TMED5: variants seen among roughly 807,000 people sequenced by gnomAD.
TMED5 encodes the protein transmembrane emp24 domain-containing protein 5.
In TMED5, 27 loss-of-function variants were observed where a neutral mutation model predicts 23.0. The observed-to-expected ratio is 1.17, with a 90% CI of 0.86 to 1.62. The LOEUF (loss-of-function observed/expected upper bound fraction) is 1.62. Among genes scored for constraint, TMED5 ranks in the 40% most tolerant of loss-of-function variants. The pLI is 0.00. For missense variants in TMED5, 248 were observed against 273.7 expected, an observed-to-expected ratio of 0.91 and a Z score of 0.66; for synonymous variants, 97 against 100.8, an observed-to-expected ratio of 0.96 and a Z score of 0.23.
chr1:93,159,415 T>A lies in TMED5; in HGVS notation c.287+714A>T, dbSNP rs1421058156. 2.6e-5 allele frequency among the ~76,000 whole-genome samples: 4 copies of A among 152,108 alleles called. No individual in the cohort carries two copies. In the East Asian group the frequency reaches 7.7e-4, roughly 29 times the overall value. ...CAAATACTAGATACTCCATATTTGC[T>A]CTTCTTCCTACAGACTCACAGTTTA... On this transcript the variant is annotated intron_variant, in intron 2 of 3. Coordinates refer to ENST00000370282, the MANE Select transcript of TMED5 (RefSeq NM_016040.5).
In TMED5 at chr1:93,180,288, G is replaced by A. The variant is rs763427359; in HGVS notation, c.-46C>T. ...GCTGAAAGAGGCGTCAGGTACTGTT[G>A]TCTCCGCTCCGCGTTTCCTCTCTGG... On this transcript the variant is annotated 5_prime_UTR_variant, in exon 1 of 4. Coordinates refer to ENST00000370282, the MANE Select transcript of TMED5 (RefSeq NM_016040.5). 2 of 1,552,668 alleles carry A rather than the reference G, an allele frequency of 1.3e-6. No individual in the cohort carries two copies. The highest frequency in any genetic ancestry group is 1.2e-5 in the South Asian group (1 of 85,384).
chr1:93,174,152 T>G (rs1375210986), intron 1 of TMED5, among the ~76,000 whole-genome samples: 1 of 152,108 alleles, frequency 6.6e-6, no homozygotes, highest in African/African-American at 2.4e-5. Context: ...TTCTTTTTTT[T>G]TAAGAGATGG....
At chr1:93,168,827 AGACTCT>A (rs1035529092) in intron 1 of TMED5, among the ~76,000 whole-genome samples, 5 of 152,198 alleles carry the variant, frequency 3.3e-5, no homozygotes, top group Admixed American at 2.6e-4. Flanking sequence ...AGAGCGAGCA[AGACTCT>A]GTCTCAAAAA....
rs965464869 is a variant in TMED5, at chr1:93,151,482, A to C, written c.*3188T>G. 6.6e-6 allele frequency: 1 copy of C among 152,198 alleles called. No individual in the cohort carries two copies. The highest frequency in any genetic ancestry group is 1.5e-5 in the Non-Finnish European group (1 of 68,022). The allele number at this position is 152,198 out of a possible 1,614,324, so 9.4% of individuals were successfully genotyped here. ...ATCCAAGGATAACTGACAGGATTCT[A>C]TATTGTGTTGGTTGAAAATTAAGAA... On this transcript the variant is annotated 3_prime_UTR_variant, in exon 4 of 4. Transcript: ENST00000370282.
chr1:93,159,982 C>G (rs1648212673), intron 2 of TMED5, 147 bp downstream of exon 2: 1 of 482,838 alleles, frequency 2.1e-6, no homozygotes, highest in African/African-American at 1.9e-5. Flanking sequence ...TTTTGTTTAT[C>G]AGATGGCACA....
intron 2 of TMED5, among the ~76,000 whole-genome samples, chr1:93,157,465 C>T (rs931174960): frequency 2.0e-5 from 3 of 152,174 alleles, no homozygotes; most frequent in Admixed American, 6.5e-5. Context: ...TGCGGTGGCT[C>T]ATACCTACAA....
At chr1:93,162,063 G>T (rs1208457978) in intron 1 of TMED5, 4 of 145,624 alleles carry the variant, frequency 2.7e-5, no homozygotes, top group Admixed American at 1.4e-4. Context: ...ATTTTAAAAA[G>T]AATCTATTTG....
At chr1:93,165,164 G>C (rs544013138) in intron 1 of TMED5, among the ~76,000 whole-genome samples, 21 of 152,322 alleles carry the variant, frequency 1.4e-4, no homozygotes, top group African/African-American at 4.3e-4. Flanking sequence ...GAGAGATCCA[G>C]AGTAGAAGAC....
intron 1 of TMED5, among the ~76,000 whole-genome samples, chr1:93,178,569 C>T (rs1402151441): frequency 2.0e-5 from 3 of 152,106 alleles, no homozygotes; most frequent in African/African-American, 7.2e-5. Context: ...ACCTACATCC[C>T]GCACAACCCA....
At chr1:93,161,000 T>A (rs1165962272) in intron 1 of TMED5, 4 of 152,196 alleles carry the variant, frequency 2.6e-5, no homozygotes, top group African/African-American at 9.7e-5. Flanking sequence ...TTCTACTACT[T>A]CCCAGTATGA....
intron 1 of TMED5, 54 bp from the exon 2 acceptor site, chr1:93,160,280 A>C: frequency 9.5e-7 from 1 of 1,058,118 alleles, no homozygotes; most frequent in Non-Finnish European, 1.4e-6. Context: ...GGAAATAAAA[A>C]ATTATATACA....
chr1:93,166,754 C>G (rs1648523232), intron 1 of TMED5, among the ~76,000 whole-genome samples: 1 of 152,124 alleles, frequency 6.6e-6, no homozygotes, highest in East Asian at 1.9e-4. Flanking sequence ...TGAGCAGAAG[C>G]TTTTTAGCTT....
Position 93,161,234 on chromosome 1 carries a change from C to T in TMED5, c.190-1008G>A, listed in dbSNP as rs570212710. ...TATTCTCATTTTAGTAAAAAAACAA[C>T]AAAAACTGAGGCACAGAGAAATCAT... On this transcript the variant is annotated intron_variant, in intron 1 of 3. Transcript: ENST00000370282. The T allele has an allele frequency of 5.9e-5, 9 of 152,068 alleles. No homozygotes were observed. The South Asian group carries it at 1.9e-3, about 32-fold the overall frequency. The allele number at this position is 152,068 out of a possible 1,614,324, so 9.4% of individuals were successfully genotyped here. A position where few individuals can be genotyped will look rare whatever the true frequency, so the allele number is the denominator to read the frequency against.
chr1:93,178,165 A>C lies in TMED5; in HGVS notation c.189+1889T>G, dbSNP rs1258774170. 2.6e-5 allele frequency among the ~76,000 whole-genome samples: 4 copies of C among 152,170 alleles called. No homozygotes were observed. In the East Asian group the frequency reaches 7.7e-4, roughly 29 times the overall value. ...GAAAACCTACTCAGCACGGCAAACAAGGCTATGATTCATGCTTAATGACCC... is the reference window on the plus strand; with the variant it reads ...GAAAACCTACTCAGCACGGCAAACACGGCTATGATTCATGCTTAATGACCC... On this transcript the variant is annotated intron_variant, in intron 1 of 3. Coordinates refer to ENST00000370282, the MANE Select transcript of TMED5 (RefSeq NM_016040.5).
At chr1:93,163,981 C>CAAAAAAAAAAAAAAAAAAAAAAAAAACAA (rs564350861) in intron 1 of TMED5, among the ~76,000 whole-genome samples, 1 of 56,510 alleles carries the variant, frequency 1.8e-5, no homozygotes, top group Non-Finnish European at 3.6e-5. Flanking sequence ...GACTCCATCT[C>CAAAAAAAAAAAAAAAAAAAAAAAAAACAA]AAAAAAAAAA....
At chr1:93,172,298 A>T (rs1483511238) in intron 1 of TMED5, among the ~76,000 whole-genome samples, 2 of 152,172 alleles carry the variant, frequency 1.3e-5, no homozygotes, top group Admixed American at 6.5e-5. Flanking sequence ...TCCATGTAGA[A>T]ATCCTAAAGA....
At chr1:93,170,380 G>A (rs1648679348) in intron 1 of TMED5, among the ~76,000 whole-genome samples, 1 of 152,228 alleles carries the variant, frequency 6.6e-6, no homozygotes. Context: ...CGGCCTGCAA[G>A]CCCTGGGCAG....
chr1:93,149,747 T>C lies in TMED5; in HGVS notation c.*4923A>G, dbSNP rs1417695547. The C allele has an allele frequency of 6.6e-6, 1 of 152,254 alleles. No homozygotes were observed. The highest frequency in any genetic ancestry group is 1.5e-5 in the Non-Finnish European group (1 of 68,044). The allele number at this position is 152,254 out of a possible 1,614,324, so 9.4% of individuals were successfully genotyped here. A position where few individuals can be genotyped will look rare whatever the true frequency, so the allele number is the denominator to read the frequency against. Reference sequence around the variant, plus strand: ...ATATTTTGAGAGAGAGAAACCACATTTGCATAACTTTTATTACAATATATT... The same window carrying C: ...ATATTTTGAGAGAGAGAAACCACATCTGCATAACTTTTATTACAATATATT... On this transcript the variant is annotated 3_prime_UTR_variant, in exon 4 of 4. Transcript: ENST00000370282.
intron 1 of TMED5, among the ~76,000 whole-genome samples, chr1:93,171,977 AT>A (rs1648747106): frequency 6.6e-6 from 1 of 152,212 alleles, no homozygotes; most frequent in Non-Finnish European, 1.5e-5. Flanking sequence ...AGCAATGGGT[AT>A]GGAAAACATA....
Sources: allele counts gnomAD v4.1 joint callset (sites outside exome capture counted in the v4.1 genomes callset), GRCh38; gene constraint gnomAD v4.1.1; transcripts MANE v1.5; gene names NCBI Gene and HGNC (gene_info 2026-07-23, HGNC 2026-07-21).